Variants in LINC00305 observed in about 807,000 individuals in gnomAD.
The protein encoded by LINC00305 is long intergenic non-protein coding RNA 305.
chr18:64,120,209 C>T (rs1030570301), intron 1 of LINC00305, among the ~76,000 whole-genome samples: 1 of 152,086 alleles, frequency 6.6e-6, no homozygotes, highest in African/African-American at 2.4e-5. Context: ...GCAGAGAAAC[C>T]AAGCCAATTG....
chr18:64,130,777 G>C (rs1022711749), intron 1 of LINC00305, among the ~76,000 whole-genome samples: 1 of 152,094 alleles, frequency 6.6e-6, no homozygotes, highest in Admixed American at 6.6e-5. Context: ...AGTGGAAAGG[G>C]CAATGACATT....
intron 1 of LINC00305, among the ~76,000 whole-genome samples, chr18:64,131,819 A>G (rs1391496535): frequency 6.6e-6 from 1 of 152,206 alleles, no homozygotes; most frequent in Non-Finnish European, 1.5e-5. Flanking sequence ...GTGGAAGGCA[A>G]TGTGCTATGT....
intron 1 of LINC00305, among the ~76,000 whole-genome samples, chr18:64,113,758 A>C (rs2051325426): frequency 6.6e-6 from 1 of 152,206 alleles, no homozygotes; most frequent in Non-Finnish European, 1.5e-5. Context: ...AGAAGAGATC[A>C]ATAACCTTGA....
chr18:64,132,988 C>T (rs1252534865), intron 1 of LINC00305, among the ~76,000 whole-genome samples: 1 of 152,194 alleles, frequency 6.6e-6, no homozygotes, highest in African/African-American at 2.4e-5. Context: ...GATTCCTCCA[C>T]ATGGTTCCAG....
intron 1 of LINC00305, among the ~76,000 whole-genome samples, chr18:64,120,796 G>A (rs1254977458): frequency 6.6e-6 from 1 of 152,042 alleles, no homozygotes; most frequent in Non-Finnish European, 1.5e-5. Context: ...TTTGCCAGTT[G>A]CCAGTTAAAC....
At chr18:64,142,363 C>T (rs1026043912) in intron 1 of LINC00305, among the ~76,000 whole-genome samples, 5 of 152,168 alleles carry the variant, frequency 3.3e-5, no homozygotes, top group Non-Finnish European at 5.9e-5. Context: ...CTCCTTCCTT[C>T]CTGGCCTGGT....
At chr18:64,129,362 C>A (rs1001353874) in intron 1 of LINC00305, among the ~76,000 whole-genome samples, 1 of 151,948 alleles carries the variant, frequency 6.6e-6, no homozygotes, top group Non-Finnish European at 1.5e-5. Context: ...TTAGAAGTTG[C>A]ATTAAAAAAT....
intron 3 of LINC00305, among the ~76,000 whole-genome samples, chr18:64,094,889 A>AAT (rs1485995167): frequency 6.8e-6 from 1 of 146,974 alleles, no homozygotes; most frequent in African/African-American, 2.4e-5. Flanking sequence ...ATAAATAATA[A>AAT]AATAAAATAA....
chr18:64,143,795 G>A (rs896754449), intron 1 of LINC00305, among the ~76,000 whole-genome samples: 2 of 93,838 alleles, frequency 2.1e-5, no homozygotes, highest in Non-Finnish European at 4.4e-5. Flanking sequence ...CACATATTAT[G>A]CGTACATGTA....
rs1363971860 is a variant in LINC00305, at chr18:64,122,879, C to A, written n.315-24239G>T. On this transcript the variant is annotated intron_variant and non_coding_transcript_variant, in intron 1 of 3. Coordinates refer to ENST00000666468, the Ensembl canonical transcript of LINC00305. ...CTATGATTTCTTTCATCAGCATTTT[C>A]TATTTTTCCTTGTAGAAATATTTTA... Among the ~76,000 whole-genome samples the A allele has an allele frequency of 4.6e-5, 7 of 151,906 alleles. No individual in the cohort carries two copies. The South Asian group carries it at 1.2e-3, about 27-fold the overall frequency.
intron 2 of LINC00305, among the ~76,000 whole-genome samples, chr18:64,098,359 G>A (rs1462345134): frequency 6.6e-6 from 1 of 152,130 alleles, no homozygotes; most frequent in Admixed American, 6.5e-5. Flanking sequence ...CAACAATAAG[G>A]AGGATAATTC....
At chr18:64,106,165 G>T (rs1467321333) in intron 1 of LINC00305, among the ~76,000 whole-genome samples, 1 of 152,164 alleles carries the variant, frequency 6.6e-6, no homozygotes, top group Non-Finnish European at 1.5e-5. Flanking sequence ...AGCATTTTCA[G>T]GTTACCCTTC....
At chr18:64,114,466 A>C (rs1323147508) in intron 1 of LINC00305, among the ~76,000 whole-genome samples, 1 of 152,060 alleles carries the variant, frequency 6.6e-6, no homozygotes, top group Non-Finnish European at 1.5e-5. Flanking sequence ...GATTGATGAC[A>C]TTTACACTCT....
intron 3 of LINC00305, among the ~76,000 whole-genome samples, chr18:64,081,414 A>G (rs1009149725): frequency 4.6e-5 from 7 of 152,206 alleles, no homozygotes; most frequent in Non-Finnish European, 1.0e-4. Context: ...GGAATACAAG[A>G]ATCAATCCTC....
chr18:64,143,984 T>G (rs929637600), intron 1 of LINC00305, among the ~76,000 whole-genome samples: 1 of 152,184 alleles, frequency 6.6e-6, no homozygotes, highest in Non-Finnish European at 1.5e-5. Context: ...GTATTCTGTT[T>G]CCTGAAACAC....
At chr18:64,143,855 CA>C (rs1178698172) in intron 1 of LINC00305, among the ~76,000 whole-genome samples, 1 of 151,676 alleles carries the variant, frequency 6.6e-6, no homozygotes, top group African/African-American at 2.4e-5. Context: ...TACATACATA[CA>C]TACATACATA....
intron 1 of LINC00305, among the ~76,000 whole-genome samples, chr18:64,131,970 G>T (rs56188805): frequency 0.07 from 10,732 of 152,274 alleles, 570 homozygotes; most frequent in Non-Finnish European, 0.12. Context: ...TTTGTAGCCT[G>T]CTTCTTTGTC....
intron 1 of LINC00305, among the ~76,000 whole-genome samples, chr18:64,117,150 C>T (rs2051341355): frequency 6.6e-6 from 1 of 152,102 alleles, no homozygotes; most frequent in Non-Finnish European, 1.5e-5. Flanking sequence ...TGTGGTTCTT[C>T]TGTAGAGGCC....
At chr18:64,110,143 C>CA (rs1328032446) in intron 1 of LINC00305, among the ~76,000 whole-genome samples, 7 of 152,142 alleles carry the variant, frequency 4.6e-5, no homozygotes, top group Non-Finnish European at 1.0e-4. Flanking sequence ...ATAGTAGAGT[C>CA]AAAATTATTC....
Sources: allele counts gnomAD v4.1 joint callset (sites outside exome capture counted in the v4.1 genomes callset), GRCh38; gene constraint gnomAD v4.1.1; transcripts MANE v1.5; gene names NCBI Gene and HGNC (gene_info 2026-07-23, HGNC 2026-07-21).